FGD4: variants seen among roughly 807,000 people sequenced by gnomAD.
FGD4 encodes the protein FYVE, RhoGEF and PH domain containing 4.
FGD4 carries 42 observed loss-of-function variants against 102.0 expected under a neutral mutation model. That is an observed-to-expected ratio of 0.41 (90% CI 0.32 to 0.53). The LOEUF is 0.53. Among genes scored for constraint, FGD4 ranks in the 20% least tolerant of loss-of-function variants. The probability of loss-of-function intolerance (pLI) is 0.21; values close to 1 mark genes in which losing one functional copy is unlikely to be tolerated. For missense variants in FGD4, 902 were observed against 1,078.2 expected (o/e 0.84, Z 2.29); for synonymous variants, 380 against 375.7 (o/e 1.01, Z -0.13).
intron 1 of FGD4, among the ~76,000 whole-genome samples, chr12:32,444,954 T>A (rs1247315524): frequency 6.6e-6 from 1 of 152,212 alleles, no homozygotes; most frequent in Non-Finnish European, 1.5e-5. Flanking sequence ...TATTAGAATA[T>A]CATTTACCAA....
intron 1 of FGD4, among the ~76,000 whole-genome samples, chr12:32,461,462 C>G (rs1230378265): frequency 6.6e-6 from 1 of 152,044 alleles, no homozygotes; most frequent in Admixed American, 6.6e-5. Flanking sequence ...AGTAACATTT[C>G]CATTTATTCA....
chr12:32,549,967 G>A (rs1943523979), intron 1 of FGD4, among the ~76,000 whole-genome samples: 1 of 152,058 alleles, frequency 6.6e-6, no homozygotes, highest in Admixed American at 6.5e-5. Flanking sequence ...CCCTCGGCAC[G>A]GCCTTACTTC....
chr12:32,601,559 A>G, intron 6 of FGD4, 136 bp downstream of exon 6: 1 of 1,081,766 alleles, frequency 9.2e-7, no homozygotes, highest in Non-Finnish European at 1.3e-6. Context: ...GACTACTGAT[A>G]GAAGTTGTGG....
At chr12:32,532,658 C>T (rs567562921) in intron 1 of FGD4, among the ~76,000 whole-genome samples, 4 of 151,700 alleles carry the variant, frequency 2.6e-5, no homozygotes, top group Admixed American at 6.6e-5. Flanking sequence ...TACAGACAGA[C>T]GTTGGGGCAT....
At position 32,641,030 on chromosome 12, in the gene FGD4, T is replaced by C. The variant is rs886049257; in HGVS notation, c.*497T>C. On this transcript the variant is annotated 3_prime_UTR_variant, in exon 17 of 17. Coordinates refer to ENST00000534526, the MANE Select transcript of FGD4 (RefSeq NM_001370298.3). ...GCTGCATAAATGATGTCTGTTCTTT[T>C]AAAACAAAAGAAAAAGGACAAATTG... 10 of 162,520 alleles carry C rather than the reference T, an allele frequency of 6.2e-5. No individual in the cohort carries two copies. The South Asian group carries it at 8.9e-4, about 14-fold the overall frequency. 10.1% of individuals were successfully genotyped at this position (162,520 alleles called of 1,614,324 possible).
chr12:32,541,510 C>T (rs535374881), intron 1 of FGD4, among the ~76,000 whole-genome samples: 5 of 152,144 alleles, frequency 3.3e-5, no homozygotes, highest in African/African-American at 9.6e-5. Flanking sequence ...GGATTAGAGG[C>T]GCCTGCCACC....
chr12:32,569,968 C>T (rs966813746), intron 2 of FGD4, among the ~76,000 whole-genome samples: 15 of 152,078 alleles, frequency 9.9e-5, no homozygotes, highest in South Asian at 2.1e-4. Context: ...TCAAGCTGGG[C>T]GTGGTGGCTC....
At chr12:32,518,606 C>G (rs1019931756) in intron 1 of FGD4, among the ~76,000 whole-genome samples, 2 of 152,144 alleles carry the variant, frequency 1.3e-5, no homozygotes, top group Non-Finnish European at 2.9e-5. Flanking sequence ...GAGGAGAGAA[C>G]AGAGACTGGA....
chr12:32,537,948 T>C (rs1441559309), intron 1 of FGD4, among the ~76,000 whole-genome samples: 1 of 152,180 alleles, frequency 6.6e-6, no homozygotes, highest in Non-Finnish European at 1.5e-5. Flanking sequence ...CAGGCTGGAG[T>C]GCAGTGGCGC....
chr12:32,426,342 T>A (rs569985131), intron 1 of FGD4, among the ~76,000 whole-genome samples: 2 of 152,300 alleles, frequency 1.3e-5, no homozygotes, highest in South Asian at 2.1e-4. Context: ...TTGTCGTTGG[T>A]TCTGTTTATG....
rs1465985805 is a variant in FGD4 at position 32,582,139 on chromosome 12, A to G, written c.683A>G (p.Asn228Ser). ...CAGGGTGCACAGACTTGTGTGGCCA[A>G]CGGTGTAATGGCAGCACAAAACCAG... Reference protein sequence around the residue: ...KTQGAQTCVANGVMAAQNQME... With the variant: ...KTQGAQTCVASGVMAAQNQME... Residue 228 changes from asparagine to serine, a missense_variant, in exon 4 of 17, where the codon AAC becomes AGC. By Grantham distance (46) the Asn-to-Ser change is conservative (BLOSUM62 1). This residue lies in a region of FGD4 where 443 missense variants were observed against 459.2 expected (regional missense o/e 0.96). Transcript: ENST00000534526. 6.2e-7 allele frequency: 1 copy of G among 1,614,250 alleles called. No individual in the cohort carries two copies. The highest frequency in any genetic ancestry group is 1.7e-5 in the Admixed American group (1 of 60,020).
intron 7 of FGD4, 52 bp downstream of exon 7, chr12:32,602,369 A>T: frequency 6.2e-7 from 1 of 1,605,046 alleles, no homozygotes. Flanking sequence ...CATACAAATT[A>T]TACAGTCTTC....
At chr12:32,483,826 T>C (rs751989756) in intron 1 of FGD4, among the ~76,000 whole-genome samples, 1 of 152,124 alleles carries the variant, frequency 6.6e-6, no homozygotes, top group Non-Finnish European at 1.5e-5. Flanking sequence ...ATGGCTGGAA[T>C]TGGTGAGGTT....
intron 1 of FGD4, among the ~76,000 whole-genome samples, chr12:32,543,873 C>T (rs950169732): frequency 4.6e-5 from 7 of 152,030 alleles, no homozygotes; most frequent in Admixed American, 6.5e-5. Context: ...ATGATCCGCC[C>T]GCCTCGGCCT....
At chr12:32,640,050 G>A (rs1310764341) in intron 16 of FGD4, among the ~76,000 whole-genome samples, 2 of 152,086 alleles carry the variant, frequency 1.3e-5, no homozygotes, top group African/African-American at 2.4e-5. Flanking sequence ...GTGTCTCTGA[G>A]TCCTAGCTGA....
intron 10 of FGD4, among the ~76,000 whole-genome samples, chr12:32,614,799 A>T (rs1427366727): frequency 6.6e-6 from 1 of 152,230 alleles, no homozygotes; most frequent in Non-Finnish European, 1.5e-5. Context: ...GTTCTTTAGG[A>T]TGGATTAAAT....
chr12:32,481,281 A>T (rs1943757651), intron 1 of FGD4, among the ~76,000 whole-genome samples: 1 of 152,038 alleles, frequency 6.6e-6, no homozygotes, highest in African/African-American at 2.4e-5. Context: ...TAGTAAAAAT[A>T]TAAAAATTAG....
At chr12:32,419,290 A>T (rs1196723334) in intron 1 of FGD4, among the ~76,000 whole-genome samples, 1 of 152,160 alleles carries the variant, frequency 6.6e-6, no homozygotes, top group Non-Finnish European at 1.5e-5. Context: ...ACAGCTGGGA[A>T]TGTGCTGGGT....
At chr12:32,441,783 C>A (rs944762932) in intron 1 of FGD4, among the ~76,000 whole-genome samples, 4 of 152,084 alleles carry the variant, frequency 2.6e-5, no homozygotes, top group Non-Finnish European at 4.4e-5. Flanking sequence ...TACTTAGAGA[C>A]CAAAAGCACT....
Sources: gnomAD v4.1 joint callset for allele counts (sites outside exome capture counted in the v4.1 genomes callset) on GRCh38, gnomAD v4.1.1 for gene constraint, gnomAD v4.1.1 regional missense constraint, MANE v1.5 for transcripts, NCBI Gene and HGNC (gene_info 2026-07-23, HGNC 2026-07-21) for gene names.